The following ZBTB38 variants were observed in gnomAD, a reference collection of about 807,000 sequenced individuals.
The protein encoded by ZBTB38 is zinc finger and BTB domain-containing protein 38.
Under a neutral mutation model 76.8 loss-of-function variants are expected in ZBTB38, and 20 were observed. The ratio of observed to expected loss-of-function variants is 0.26; its 90% CI spans 0.18 to 0.38. The LOEUF is 0.38. Ranked by LOEUF, ZBTB38 falls within the 10% of genes least tolerant of loss-of-function variation. The pLI, the probability that ZBTB38 is intolerant of heterozygous loss-of-function variation, is 1.00. For missense variants in ZBTB38, 1,082 were observed against 1,482.3 expected, an observed-to-expected ratio of 0.73 and a Z score of 4.43; for synonymous variants, 504 against 544.2, an observed-to-expected ratio of 0.93 and a Z score of 1.03.
At chr3:141,327,005 G>A (rs1942694595) in intron 1 of ZBTB38, among the ~76,000 whole-genome samples, 1 of 152,156 alleles carries the variant, frequency 6.6e-6, no homozygotes, top group Admixed American at 6.5e-5. Flanking sequence ...TTAAAATCTT[G>A]TGATGTAGTT....
rs1301295136 is a variant in ZBTB38, at chr3:141,444,973, G to A, written c.2585G>A (p.Arg862Lys). The A allele has an allele frequency of 1.2e-6, 2 of 1,614,168 alleles. No homozygotes were observed. Among genetic ancestry groups the A allele is most frequent in the East Asian group, 4.5e-5 (2 of 44,882 alleles). The change falls in exon 6 of 6, where the codon AGA becomes AAA. Residue 862 changes from arginine (R) to lysine (K), a missense_variant. By Grantham distance (26) the Arg-to-Lys change is conservative (BLOSUM62 2). Around this residue, in one of 8 missense-constraint regions of ZBTB38, gnomAD observed 471 missense variants for 581.0 expected, o/e 0.81. Coordinates refer to ENST00000321464, the MANE Select transcript of ZBTB38 (RefSeq NM_001376113.1). The surrounding 1 kb of genome is among the most constrained non-coding windows in gnomAD (Gnocchi z 5.1). ...HILGSKLFYK[R>K]GRRPKYQMQE... is the part of the protein sequence containing the mutation. ...CTAGGATCTAAATTGTTTTATAAAA[G>A]AGGGAGAAGACCCAAGTATCAGATG...
At chr3:141,391,283 T>C (rs938915769) in intron 4 of ZBTB38, among the ~76,000 whole-genome samples, 2 of 152,244 alleles carry the variant, frequency 1.3e-5, no homozygotes, top group African/African-American at 2.4e-5. Flanking sequence ...GAAGATCGTG[T>C]GCTGAGAAGG....
At chr3:141,326,687 A>G (rs1942684196) in intron 1 of ZBTB38, among the ~76,000 whole-genome samples, 1 of 152,134 alleles carries the variant, frequency 6.6e-6, no homozygotes, top group African/African-American at 2.4e-5. Flanking sequence ...GTGTTTTTTT[A>G]CAATGATACT....
intron 4 of ZBTB38, among the ~76,000 whole-genome samples, chr3:141,391,194 G>T (rs1000845941): frequency 6.6e-6 from 1 of 152,088 alleles, no homozygotes; most frequent in African/African-American, 2.4e-5. Flanking sequence ...AATAAAATAA[G>T]TGAGGGTTAT....
intron 1 of ZBTB38, among the ~76,000 whole-genome samples, chr3:141,359,926 G>C (rs1408805751): frequency 6.6e-6 from 1 of 152,130 alleles, no homozygotes; most frequent in East Asian, 1.9e-4. Context: ...GCAAGACCCT[G>C]TCTCATAAAC....
upstream of ZBTB38, among the ~76,000 whole-genome samples, chr3:141,364,232 G>GC (rs1241431251): frequency 6.6e-6 from 1 of 150,616 alleles, no homozygotes; most frequent in African/African-American, 2.4e-5. Flanking sequence ...TTCAAGACCA[G>GC]TTGGACTTCA....
chr3:141,345,917 C>A (rs540475204), intron 1 of ZBTB38, among the ~76,000 whole-genome samples: 1 of 152,142 alleles, frequency 6.6e-6, no homozygotes, highest in African/African-American at 2.4e-5. Context: ...CAAGGCCACC[C>A]CCACTGAGAA....
intron 5 of ZBTB38, among the ~76,000 whole-genome samples, chr3:141,425,241 T>C (rs2076169245): frequency 6.6e-6 from 1 of 152,238 alleles, no homozygotes; most frequent in African/African-American, 2.4e-5. Context: ...TGCGAGTCTC[T>C]CAGTTCTTTC....
At chr3:141,406,015 A>G (rs1339286365) in intron 5 of ZBTB38, among the ~76,000 whole-genome samples, 1 of 152,206 alleles carries the variant, frequency 6.6e-6, no homozygotes, top group African/African-American at 2.4e-5. Context: ...CATTTGAGAT[A>G]GGAGGACTAG....
chr3:141,405,910 C>T (rs746132018), intron 5 of ZBTB38, among the ~76,000 whole-genome samples: 158 of 152,086 alleles, frequency 1.0e-3, no homozygotes, highest in Non-Finnish European at 2.0e-3. Flanking sequence ...GGAAGGGGTC[C>T]CTTTTATCCC....
intron 1 of ZBTB38, among the ~76,000 whole-genome samples, chr3:141,361,166 C>A (rs73869601): frequency 0.062 from 9,374 of 152,242 alleles, 973 homozygotes; most frequent in African/African-American, 0.21. Flanking sequence ...AGTGTGATAA[C>A]CCCTTACCAC....
intron 3 of ZBTB38, among the ~76,000 whole-genome samples, chr3:141,382,889 T>C (rs1279873941): frequency 1.3e-5 from 2 of 151,992 alleles, no homozygotes; most frequent in African/African-American, 4.8e-5. Context: ...AGGGATGGAG[T>C]GTGGACGTAG....
intron 1 of ZBTB38, among the ~76,000 whole-genome samples, chr3:141,333,534 C>T (rs1167757386): frequency 2.0e-5 from 3 of 152,120 alleles, no homozygotes; most frequent in Non-Finnish European, 4.4e-5. Context: ...AGGCACAGCC[C>T]CTGCTGGGTC....
At chr3:141,429,311 G>A (rs1160765237) in intron 5 of ZBTB38, among the ~76,000 whole-genome samples, 2 of 150,936 alleles carry the variant, frequency 1.3e-5, no homozygotes, top group Admixed American at 6.6e-5. Context: ...GGGGGACGGC[G>A]GCAGGTTGCC....
chr3:141,340,094 G>A (rs952883827), intron 1 of ZBTB38, among the ~76,000 whole-genome samples: 11 of 152,170 alleles, frequency 7.2e-5, no homozygotes, highest in Admixed American at 2.0e-4. Context: ...CTTATTAAAT[G>A]TTGGAGTGGA....
intron 1 of ZBTB38, among the ~76,000 whole-genome samples, chr3:141,335,997 A>G (rs555138982): frequency 6.6e-6 from 1 of 152,244 alleles, no homozygotes; most frequent in East Asian, 1.9e-4. Flanking sequence ...TATTCTTTTC[A>G]TTTTGCCTGT....
intron 4 of ZBTB38, among the ~76,000 whole-genome samples, chr3:141,393,603 T>C (rs1949532216): frequency 6.6e-6 from 1 of 151,582 alleles, no homozygotes; most frequent in Non-Finnish European, 1.5e-5. Flanking sequence ...GGAAGCAAAA[T>C]GGGGAGCTGG....
rs1223853838 is a variant in ZBTB38 at position 141,448,871 on chromosome 3, A to T, written c.*2895A>T. 1 of 152,204 alleles carries T rather than the reference A, an allele frequency of 6.6e-6. No individual in the cohort carries two copies. Among genetic ancestry groups the T allele is most frequent in the Non-Finnish European group, 1.5e-5 (1 of 68,046 alleles). 9.4% of individuals were successfully genotyped at this position (152,204 alleles called of 1,614,324 possible). ...TAGGAGTCAAATGGATTATGACATT[A>T]GGAAAAAAGCAGAATAAAAGAGATT... is the stretch of plus-strand genomic sequence containing the variant. On this transcript the variant is annotated 3_prime_UTR_variant, in exon 6 of 6. Coordinates refer to ENST00000321464, the MANE Select transcript of ZBTB38 (RefSeq NM_001376113.1).
chr3:141,431,878 A>C (rs1209392711), intron 5 of ZBTB38: 1 of 155,090 alleles, frequency 6.4e-6, no homozygotes, highest in East Asian at 1.9e-4. Flanking sequence ...AAAATCTGAT[A>C]AATGTAGCTT....
Sources: gnomAD v4.1 joint callset for allele counts (sites outside exome capture counted in the v4.1 genomes callset) on GRCh38, gnomAD v4.1.1 for gene constraint, gnomAD v4.1.1 regional missense constraint, Gnocchi (gnomAD v3.1) non-coding constraint, MANE v1.5 for transcripts, NCBI Gene and HGNC (gene_info 2026-07-23, HGNC 2026-07-21) for gene names.